The following DNAH7 variants were observed in gnomAD, a reference collection of about 807,000 sequenced individuals.
The protein encoded by DNAH7 is dynein axonemal heavy chain 7, also known as axonemal beta dynein heavy chain 7.
DNAH7 carries 397 observed loss-of-function variants against 444.6 expected under a neutral mutation model. The ratio of observed to expected loss-of-function variants is 0.89; its 90% CI spans 0.82 to 0.97. The LOEUF is 0.97. DNAH7 is among the 50% of genes least tolerant of loss of function. DNAH7 has a pLI of 0.00. For synonymous variants in DNAH7, 1,636 were observed against 1,624.4 expected, an observed-to-expected ratio of 1.01 and a Z score of -0.17; for missense variants, 4,902 against 4,800.8, an observed-to-expected ratio of 1.02 and a Z score of -0.62.
chr2:195,872,321 G>C lies in DNAH7; in HGVS notation c.6562C>G (p.Gln2188Glu). Residue 2188 changes from glutamine to glutamate, a missense_variant, in exon 40 of 65, where the codon CAA becomes GAA. By Grantham distance (29) the Gln-to-Glu change is conservative. Transcript: ENST00000312428. The stretch of plus-strand genomic sequence containing the variant: ...TCTGGTCTTGACAAACAAACACCTT[G>C]AATGACACGGGAGAAATCACGGAGG... ...FNLRDFSRVI[Q>E]GVCLSRPETT... 6.2e-7 allele frequency: 1 copy of C among 1,613,924 alleles called. No homozygotes were observed. The highest frequency in any genetic ancestry group is 1.1e-5 in the South Asian group (1 of 91,070).
intron 39 of DNAH7, among the ~76,000 whole-genome samples, chr2:195,872,908 A>T (rs1319571022): frequency 3.3e-5 from 5 of 152,064 alleles, no homozygotes; most frequent in Non-Finnish European, 7.4e-5. Flanking sequence ...GAAAATTAAA[A>T]TACGTAAAAA....
chr2:195,850,158 T>A (rs1699265195), intron 46 of DNAH7, among the ~76,000 whole-genome samples: 2 of 152,094 alleles, frequency 1.3e-5, no homozygotes, highest in South Asian at 4.2e-4. Flanking sequence ...TCTATAAGGG[T>A]GTAATATCAG....
chr2:195,749,287 A>G (rs1473613751), intron 63 of DNAH7, among the ~76,000 whole-genome samples: 1 of 152,042 alleles, frequency 6.6e-6, no homozygotes, highest in East Asian at 1.9e-4. Flanking sequence ...ATGAGATACC[A>G]TCTCACACCA....
chr2:195,836,538 C>T (rs958817490), intron 47 of DNAH7, among the ~76,000 whole-genome samples: 2 of 150,886 alleles, frequency 1.3e-5, no homozygotes, highest in African/African-American at 4.9e-5. Context: ...AATACGGTCA[C>T]ATGGGAGTCA....
intron 24 of DNAH7, among the ~76,000 whole-genome samples, chr2:195,914,406 A>AGGGT (rs1687543733): frequency 6.6e-6 from 1 of 152,236 alleles, no homozygotes; most frequent in Non-Finnish European, 1.5e-5. Context: ...CACTGGGTAC[A>AGGGT]AGGTACAGCT....
chr2:195,984,140 CAG>C lies in DNAH7; in HGVS notation c.1833+490_1833+491del, dbSNP rs1692749803. ...CTGTACCATGACATGAGAACACACC[CAG>C]ATGAGCCTGCTGGGGCTTGAGGGAC... is the stretch of plus-strand genomic sequence containing the variant. On this transcript the variant is annotated intron_variant, in intron 15 of 64. Transcript: ENST00000312428. Among the ~76,000 whole-genome samples the C allele has an allele frequency of 2.0e-5, 3 of 152,046 alleles. No individual in the cohort carries two copies. The South Asian group carries it at 6.2e-4, about 31-fold the overall frequency.
At chr2:195,990,952 T>C (rs1693290819) in intron 12 of DNAH7, among the ~76,000 whole-genome samples, 1 of 144,016 alleles carries the variant, frequency 6.9e-6, no homozygotes, top group South Asian at 2.1e-4. Context: ...TATACATATA[T>C]ATACTTAAAT....
chr2:195,755,249 A>G (rs1008894106), intron 62 of DNAH7, among the ~76,000 whole-genome samples: 1 of 152,218 alleles, frequency 6.6e-6, no homozygotes. Flanking sequence ...CTACTTCACT[A>G]AAACACAGTA....
In DNAH7 at chr2:195,964,505, C is replaced by T. The variant is rs927153946; in HGVS notation, c.2206-3560G>A. On this transcript the variant is annotated intron_variant, in intron 17 of 64. Transcript: ENST00000312428. The stretch of plus-strand genomic sequence containing the variant: ...GTCAATTTTGTATCCTGTAACTTTA[C>T]TGAATTTATCAGTTCTAATAGTTTT... Among the ~76,000 whole-genome samples, 5 of 147,042 alleles carry T rather than the reference C, an allele frequency of 3.4e-5. 1 individual carries two copies. The highest frequency in any genetic ancestry group is 1.2e-4 in the African/African-American group (5 of 40,106).
intron 16 of DNAH7, among the ~76,000 whole-genome samples, chr2:195,970,863 T>A (rs1691793822): frequency 6.6e-6 from 1 of 152,212 alleles, no homozygotes; most frequent in African/African-American, 2.4e-5. Flanking sequence ...CCTGGCAAAC[T>A]TATTGCTCTA....
At position 195,824,425 on chromosome 2, in the gene DNAH7, C is replaced by T. The variant is rs753140811; in HGVS notation, c.9121G>A (p.Glu3041Lys). ...GTPVLLENVGEELDPILEPLL... is the reference protein window; with the variant it reads ...GTPVLLENVGKELDPILEPLL... ...GGTTCCAAAATAGGATCTAGTTCTT[C>T]GCCAACATTTTCTAGCAACACTGGA... Residue 3041 changes from glutamate (E) to lysine (K), a missense_variant, in exon 49 of 65, where the codon GAA (glutamate) becomes AAA (lysine). Physicochemically the swap from Glu to Lys is moderately conservative, Grantham distance 56 (BLOSUM62 1). Transcript: ENST00000312428. The T allele has an allele frequency of 1.1e-5, 17 of 1,602,266 alleles. No individual in the cohort carries two copies. Among genetic ancestry groups the T allele is most frequent in the East Asian group, 6.7e-5 (3 of 44,632 alleles).
At chr2:195,864,067 G>T (rs932248710) in intron 41 of DNAH7, 82 bp downstream of exon 41, 41 of 1,414,968 alleles carry the variant, frequency 2.9e-5, no homozygotes, top group Non-Finnish European at 3.9e-5. Context: ...TAAACTACAG[G>T]TTGGGAATCT....
At chr2:195,891,934 T>G (rs1422698491) in intron 30 of DNAH7, 130 bp from the exon 31 acceptor site, 1 of 635,524 alleles carries the variant, frequency 1.6e-6, no homozygotes, top group Admixed American at 3.9e-5. Flanking sequence ...TTTGACAAGG[T>G]CCCAGCATAC....
rs377318873 is a variant in DNAH7 at position 196,017,585 on chromosome 2, C to T, written c.869+1585G>A. 5.9e-5 allele frequency among the ~76,000 whole-genome samples: 9 copies of T among 151,930 alleles called. No homozygotes were observed. The East Asian group carries it at 1.5e-3, about 26-fold the overall frequency. ...ATCTGTACTTGTACGGAAAGAGATTCAAATATTACAAGAAAAAAATAGAGA... is the reference window on the plus strand; with the variant it reads ...ATCTGTACTTGTACGGAAAGAGATTTAAATATTACAAGAAAAAAATAGAGA... On this transcript the variant is annotated intron_variant, in intron 9 of 64. Coordinates refer to ENST00000312428, the MANE Select transcript of DNAH7 (RefSeq NM_018897.3).
intron 7 of DNAH7, among the ~76,000 whole-genome samples, chr2:196,024,917 T>G (rs1241578682): frequency 6.7e-6 from 1 of 149,448 alleles, no homozygotes; most frequent in African/African-American, 2.5e-5. Flanking sequence ...CATCCATGGA[T>G]TCAACCAACG....
chr2:195,977,778 C>A (rs1318690730), intron 15 of DNAH7, among the ~76,000 whole-genome samples: 2 of 152,154 alleles, frequency 1.3e-5, no homozygotes, highest in African/African-American at 4.8e-5. Flanking sequence ...CAATGGAGCT[C>A]CAACATGTCT....
chr2:195,810,837 GT>G (rs986503256), intron 51 of DNAH7, among the ~76,000 whole-genome samples: 1 of 152,064 alleles, frequency 6.6e-6, no homozygotes, highest in African/African-American at 2.4e-5. Context: ...TACTATTTCT[GT>G]CCCCATTATT....
At chr2:195,869,095 A>T (rs1700522758) in intron 40 of DNAH7, among the ~76,000 whole-genome samples, 1 of 151,924 alleles carries the variant, frequency 6.6e-6, no homozygotes, top group Non-Finnish European at 1.5e-5. Context: ...ATGGTGAGTA[A>T]AACAGGTTTT....
At chr2:196,008,664 T>C (rs1458142253) in intron 10 of DNAH7, among the ~76,000 whole-genome samples, 1 of 152,204 alleles carries the variant, frequency 6.6e-6, no homozygotes, top group African/African-American at 2.4e-5. Context: ...TTATGCTTCC[T>C]GTAAGAAGCC....
Sources: allele counts gnomAD v4.1 joint callset (sites outside exome capture counted in the v4.1 genomes callset), GRCh38; gene constraint gnomAD v4.1.1; transcripts MANE v1.5; gene names NCBI Gene and HGNC (gene_info 2026-07-23, HGNC 2026-07-21).